Variants in ATR observed in about 807,000 individuals in gnomAD.
ATR encodes the protein ATR checkpoint kinase.
A neutral mutation model predicts 305.3 loss-of-function variants in ATR; 142 were observed. The ratio of observed to expected loss-of-function variants is 0.47; its 90% confidence interval spans 0.41 to 0.53. ATR has a LOEUF of 0.53. Among genes scored for constraint, ATR ranks in the 20% least tolerant of loss-of-function variants. The pLI is 0.00. For missense variants in ATR, 2,135 were observed against 3,133.1 expected, an observed-to-expected ratio of 0.68 and a Z score of 7.60; for synonymous variants, 1,050 against 1,068.1, an observed-to-expected ratio of 0.98 and a Z score of 0.33.
At chr3:142,532,359 T>C (rs2033687587) in intron 21 of ATR, among the ~76,000 whole-genome samples, 1 of 152,242 alleles carries the variant, frequency 6.6e-6, no homozygotes, top group Non-Finnish European at 1.5e-5. Context: ...CAAAGTTATC[T>C]TTTTGGGATT....
intron 45 of ATR, 149 bp from the exon 46 acceptor site, chr3:142,453,382 G>A: frequency 8.8e-7 from 1 of 1,136,542 alleles, no homozygotes; most frequent in Non-Finnish European, 1.2e-6. Context: ...TGAAATTTCT[G>A]TTTTGGTGTG....
intron 17 of ATR, among the ~76,000 whole-genome samples, chr3:142,542,420 T>A (rs1472440677): frequency 6.6e-6 from 1 of 152,214 alleles, no homozygotes; most frequent in Non-Finnish European, 1.5e-5. Context: ...CCTTACGCTT[T>A]TAGTAACACA....
rs147028021 is a variant in ATR, at chr3:142,471,724, T to C, written c.6222-1541A>G. On this transcript the variant is annotated intron_variant, in intron 36 of 46. Transcript: ENST00000350721. ...CAAGCTAACTCACGCATGCTAATTA[T>C]TTCACATATTTATTTTGTTGTGGAA... is the stretch of plus-strand genomic sequence containing the variant. Among the ~76,000 whole-genome samples, 115 of 152,334 alleles carry C rather than the reference T, an allele frequency of 7.5e-4. 1 individual carries two copies. The Middle Eastern group carries it at 0.01, about 14-fold the overall frequency.
chr3:142,473,915 T>G (rs984875249), intron 36 of ATR, among the ~76,000 whole-genome samples: 12 of 151,434 alleles, frequency 7.9e-5, no homozygotes, highest in Non-Finnish European at 1.6e-4. Context: ...GATTTTTTTT[T>G]CTACTTCTGT....
At chr3:142,542,852 C>CTAGATTATAA (rs2034104387) in intron 16 of ATR, 95 bp from the exon 17 acceptor site, 1 of 1,035,328 alleles carries the variant, frequency 9.7e-7, no homozygotes, top group Non-Finnish European at 1.4e-6. Context: ...TTATATTTTA[C>CTAGATTATAA]CTAACTAGAT....
intron 35 of ATR, among the ~76,000 whole-genome samples, chr3:142,486,643 C>T (rs1420919864): frequency 1.3e-5 from 2 of 151,932 alleles, no homozygotes; most frequent in African/African-American, 4.8e-5. Context: ...TCTCTCGCTC[C>T]CTTTTTAGTT....
At chr3:142,577,507 A>C (rs374796774) in intron 1 of ATR, among the ~76,000 whole-genome samples, 2 of 152,252 alleles carry the variant, frequency 1.3e-5, no homozygotes, top group Non-Finnish European at 2.9e-5. Flanking sequence ...ATAAGTGGAA[A>C]AAATTCACAC....
At position 142,553,627 on chromosome 3, in the gene ATR, C is replaced by T. The variant is rs770434481; in HGVS notation, c.2633+13G>A. The T allele has an allele frequency of 6.9e-6, 11 of 1,583,276 alleles. No homozygotes were observed. In the African/African-American group the frequency reaches 1.5e-4, roughly 21 times the overall value. ...AAATAAATAAGGAAGAACACAAATG[C>T]TGCCAAGTATACCTTCCAATATCCC... On this transcript the variant is annotated intron_variant, in intron 12 of 46. Transcript: ENST00000350721.
intron 46 of ATR, chr3:142,452,660 C>A: frequency 1.0e-6 from 1 of 998,490 alleles, no homozygotes. Context: ...GATGACAGAG[C>A]GAGACTCTGT....
Position 142,507,992 on chromosome 3 carries a change from T to A in ATR, c.4970A>T (p.His1657Leu), listed in dbSNP as rs753700872. ...RSKAYTRAVMHFESFITEKKQ... is the reference protein window; with the variant it reads ...RSKAYTRAVMLFESFITEKKQ... ...CTTTTCTGTAATAAATGATTCAAAGTGCATTACAGCTCGTGTGTATGCTTT... is the reference window on the plus strand; with the variant it reads ...CTTTTCTGTAATAAATGATTCAAAGAGCATTACAGCTCGTGTGTATGCTTT... Residue 1657 changes from histidine to leucine, a missense_variant, in exon 28 of 47, where the codon CAC becomes CTC. By Grantham distance (99) the His-to-Leu change is moderately conservative (BLOSUM62 -3). This residue lies in a region of ATR where 45 missense variants were observed against 80.4 expected (regional missense o/e 0.56). Transcript: ENST00000350721. 1 of 1,613,694 alleles carries A rather than the reference T, an allele frequency of 6.2e-7. No individual in the cohort carries two copies. Among genetic ancestry groups the A allele is most frequent in the Non-Finnish European group, 8.5e-7 (1 of 1,179,714 alleles).
intron 1 of ATR, among the ~76,000 whole-genome samples, chr3:142,575,482 A>AG (rs2035407323): frequency 6.6e-6 from 1 of 152,008 alleles, no homozygotes; most frequent in Non-Finnish European, 1.5e-5. Context: ...AAAAAAAAAA[A>AG]AAAAGCAGGC....
intron 24 of ATR, among the ~76,000 whole-genome samples, chr3:142,519,411 C>T (rs2033046858): frequency 6.6e-6 from 1 of 151,904 alleles, no homozygotes; most frequent in Non-Finnish European, 1.5e-5. Flanking sequence ...AAGTGATTCT[C>T]CTGCCCCAGC....
At position 142,563,110 on chromosome 3, in the gene ATR, C is replaced by A; in HGVS notation, c.293-1G>T. 6.2e-7 allele frequency: 1 copy of A among 1,600,386 alleles called. No individual in the cohort carries two copies. Among genetic ancestry groups the A allele is most frequent in the Middle Eastern group, 1.7e-4 (1 of 5,952 alleles). On this transcript the variant is annotated splice_acceptor_variant, in intron 3 of 46. Coordinates refer to ENST00000350721, the MANE Select transcript of ATR (RefSeq NM_001184.4). LOFTEE classifies it high-confidence loss of function. ...CTCGTTATGATCCAATTACTGAATTCTTTGAAATAAACAAAAAAGATATTA... is the reference window on the plus strand; with the variant it reads ...CTCGTTATGATCCAATTACTGAATTATTTGAAATAAACAAAAAAGATATTA...
intron 1 of ATR, among the ~76,000 whole-genome samples, chr3:142,575,462 C>G (rs908279740): frequency 1.8e-5 from 2 of 113,598 alleles, no homozygotes; most frequent in Non-Finnish European, 3.7e-5. Context: ...GGGCGAGACT[C>G]CGTCTCAAAA....
intron 21 of ATR, among the ~76,000 whole-genome samples, chr3:142,528,868 TA>T (rs1392319030): frequency 1.6e-5 from 1 of 62,744 alleles, no homozygotes; most frequent in African/African-American, 1.1e-4. Flanking sequence ...TATATATATA[TA>T]TATATATATA....
rs144860024 is a variant in ATR, at chr3:142,470,328, C to A, written c.6222-145G>T. 131 of 689,258 alleles carry A rather than the reference C, an allele frequency of 1.9e-4. No homozygotes were observed. The African/African-American group carries it at 2.0e-3, about 10-fold the overall frequency. The allele number at this position is 689,258 out of a possible 1,614,324, so 42.7% of individuals were successfully genotyped here. On this transcript the variant is annotated intron_variant, in intron 36 of 46. Coordinates refer to ENST00000350721, the MANE Select transcript of ATR (RefSeq NM_001184.4). ...TTCTTCCTAGAAGTTATTTTTGACT[C>A]CTCTGTCTCCTTTTTAGCTCACTTA...
intron 2 of ATR, among the ~76,000 whole-genome samples, chr3:142,566,989 C>A (rs754880381): frequency 1.5e-4 from 23 of 152,234 alleles, no homozygotes; most frequent in Non-Finnish European, 2.9e-4. Flanking sequence ...GGTGATCCAC[C>A]CACCTCGGCC....
At chr3:142,478,836 T>G (rs1202305535) in intron 36 of ATR, among the ~76,000 whole-genome samples, 1 of 152,140 alleles carries the variant, frequency 6.6e-6, no homozygotes, top group East Asian at 1.9e-4. Flanking sequence ...CCCTTTACCA[T>G]TATGTAATGG....
chr3:142,576,640 T>C (rs1025905909), intron 1 of ATR, among the ~76,000 whole-genome samples: 1 of 152,230 alleles, frequency 6.6e-6, no homozygotes, highest in African/African-American at 2.4e-5. Context: ...GTGGGGAATT[T>C]GTATTGGATA....
Sources: allele counts gnomAD v4.1 joint callset (sites outside exome capture counted in the v4.1 genomes callset), GRCh38; gene constraint gnomAD v4.1.1; regional missense constraint gnomAD v4.1.1; transcripts MANE v1.5; gene names NCBI Gene and HGNC (gene_info 2026-07-23, HGNC 2026-07-21).